IP6K1: variants seen among roughly 807,000 people sequenced by gnomAD.
IP6K1 encodes inositol hexakisphosphate kinase 1.
Under a neutral mutation model 38.3 loss-of-function variants are expected in IP6K1, and 13 were observed. The observed-to-expected ratio is 0.34, with a 90% confidence interval of 0.22 to 0.54. The LOEUF (loss-of-function observed/expected upper bound fraction) is 0.54. IP6K1 is among the 20% of genes least tolerant of loss of function. The probability of loss-of-function intolerance (pLI) is 0.92; values close to 1 mark genes in which losing one functional copy is unlikely to be tolerated. For missense variants in IP6K1, 397 were observed against 599.8 expected (o/e 0.66, Z 3.53); for synonymous variants, 212 against 229.9 (o/e 0.92, Z 0.70).
At chr3:49,772,300 T>C (rs951446846) in intron 1 of IP6K1, among the ~76,000 whole-genome samples, 2 of 147,796 alleles carry the variant, frequency 1.4e-5, no homozygotes, top group African/African-American at 2.5e-5. Context: ...TCTTCCTTTT[T>C]AACTTAATAT....
At chr3:49,767,922 C>T (rs2080925904) in intron 1 of IP6K1, among the ~76,000 whole-genome samples, 1 of 151,914 alleles carries the variant, frequency 6.6e-6, no homozygotes, top group Non-Finnish European at 1.5e-5. Context: ...TTAGACATTT[C>T]TCTGAAGATT....
At chr3:49,755,875 GTA>G (rs2080818391) in intron 1 of IP6K1, among the ~76,000 whole-genome samples, 1 of 152,168 alleles carries the variant, frequency 6.6e-6, no homozygotes, top group African/African-American at 2.4e-5. Context: ...TCTTCCCTTT[GTA>G]TATGAGACTG....
intron 1 of IP6K1, among the ~76,000 whole-genome samples, chr3:49,762,764 C>A (rs2080877869): frequency 7.1e-6 from 1 of 140,456 alleles, no homozygotes. Context: ...ACTTGTTTTA[C>A]GAGGTCAATT....
At position 49,727,676 on chromosome 3, in the gene IP6K1, C is replaced by G. The variant is rs115140901; in HGVS notation, c.793-21G>C. Reference sequence around the variant, plus strand: ...TACACCTGAAACCCCAGGAGGCAGACAGGGTGAGTGCCAGGGAAGTCTGAA... The same window carrying G: ...TACACCTGAAACCCCAGGAGGCAGAGAGGGTGAGTGCCAGGGAAGTCTGAA... On this transcript the variant is annotated intron_variant, in intron 5 of 5. Coordinates refer to ENST00000321599, the MANE Select transcript of IP6K1 (RefSeq NM_153273.4). This position sits in a 1 kb window ranked among gnomAD's most constrained non-coding sequence, Gnocchi z 5.9. 2,784 of 1,606,078 alleles carry G rather than the reference C, an allele frequency of 1.7e-3. 41 individuals carry two copies. In the African/African-American group the frequency reaches 0.033, roughly 19 times the overall value.
intron 1 of IP6K1, among the ~76,000 whole-genome samples, chr3:49,752,746 T>C (rs2080789328): frequency 6.7e-6 from 1 of 149,448 alleles, no homozygotes; most frequent in African/African-American, 2.5e-5. Context: ...CGTGAGCCAC[T>C]GCGCCTAGCC....
At chr3:49,772,141 G>A (rs896507344) in intron 1 of IP6K1, among the ~76,000 whole-genome samples, 9 of 151,050 alleles carry the variant, frequency 6.0e-5, no homozygotes, top group African/African-American at 2.2e-4. Flanking sequence ...GCCCAAGGTG[G>A]GTTCAAGGTG....
At chr3:49,783,214 A>C (rs1214899892) in intron 1 of IP6K1, among the ~76,000 whole-genome samples, 1 of 152,130 alleles carries the variant, frequency 6.6e-6, no homozygotes, top group Non-Finnish European at 1.5e-5. Context: ...TAGGAGTTCA[A>C]GCCCAGTCTG....
At chr3:49,778,158 T>C (rs2081035285) in intron 1 of IP6K1, among the ~76,000 whole-genome samples, 2 of 151,526 alleles carry the variant, frequency 1.3e-5, no homozygotes, top group Middle Eastern at 3.4e-3. Context: ...ACCCCGTCTG[T>C]ACTAAAAATA....
At chr3:49,780,551 G>T (rs895284230) in intron 1 of IP6K1, among the ~76,000 whole-genome samples, 1 of 152,048 alleles carries the variant, frequency 6.6e-6, no homozygotes, top group Non-Finnish European at 1.5e-5. Context: ...ATAGCGTCAG[G>T]GCTGCACTGG....
intron 1 of IP6K1, among the ~76,000 whole-genome samples, chr3:49,765,313 G>C (rs2080901711): frequency 6.6e-6 from 1 of 151,894 alleles, no homozygotes; most frequent in African/African-American, 2.4e-5. Context: ...AAAAAATATA[G>C]AACACTGGTA....
chr3:49,773,630 A>T (rs2080978735), intron 1 of IP6K1, among the ~76,000 whole-genome samples: 1 of 152,198 alleles, frequency 6.6e-6, no homozygotes, highest in South Asian at 2.1e-4. Context: ...AAAATTAATA[A>T]ATAAAAAAGA....
At chr3:49,778,094 G>C (rs560722028) in intron 1 of IP6K1, among the ~76,000 whole-genome samples, 2 of 151,868 alleles carry the variant, frequency 1.3e-5, no homozygotes, top group Admixed American at 1.3e-4. Context: ...GGGAGGCCAA[G>C]GCGAGTGGAT....
At chr3:49,767,848 A>T (rs1359252457) in intron 1 of IP6K1, among the ~76,000 whole-genome samples, 1 of 152,172 alleles carries the variant, frequency 6.6e-6, no homozygotes, top group Non-Finnish European at 1.5e-5. Context: ...TACATGGAAC[A>T]TATAAAGTAC....
At chr3:49,783,047 G>T (rs2081080385) in intron 1 of IP6K1, among the ~76,000 whole-genome samples, 1 of 151,660 alleles carries the variant, frequency 6.6e-6, no homozygotes. Context: ...TTGAACCCAG[G>T]AGGCGGAAGT....
chr3:49,783,543 T>A (rs1235755905), intron 1 of IP6K1, among the ~76,000 whole-genome samples: 2 of 151,376 alleles, frequency 1.3e-5, no homozygotes, highest in African/African-American at 4.9e-5. Flanking sequence ...AAACCCCGTC[T>A]CTCCTAAAAA....
chr3:49,783,964 C>T (rs1479726405), intron 1 of IP6K1, among the ~76,000 whole-genome samples: 2 of 152,020 alleles, frequency 1.3e-5, no homozygotes, highest in East Asian at 1.9e-4. Flanking sequence ...CCTAAAGGAT[C>T]TCCTGACCAA....
intron 1 of IP6K1, among the ~76,000 whole-genome samples, chr3:49,771,188 CAAAA>C (rs35601566): frequency 2.8e-5 from 2 of 72,508 alleles, no homozygotes; most frequent in African/African-American, 4.9e-5. Context: ...AACTCAGTAA[CAAAA>C]AAAAAAAAAA....
chr3:49,727,083 C>T lies in IP6K1; in HGVS notation c.*39G>A. ...AGTTCAGAACAATGGTCCCTGCCTG[C>T]AGTGGAGAGGAAGGGGTTCTGGGGG... On this transcript the variant is annotated 3_prime_UTR_variant, in exon 6 of 6. Transcript: ENST00000321599. This position sits in a 1 kb window ranked among gnomAD's most constrained non-coding sequence, Gnocchi z 5.9. 3 of 1,530,850 alleles carry T rather than the reference C, an allele frequency of 2.0e-6. No individual in the cohort carries two copies. Among genetic ancestry groups the T allele is most frequent in the South Asian group, 1.3e-5 (1 of 79,906 alleles). The allele number at this position is 1,530,850 out of a possible 1,614,324, so 94.8% of individuals were successfully genotyped here.
At chr3:49,743,237 A>AC (rs754619018) in intron 2 of IP6K1, among the ~76,000 whole-genome samples, 1,722 of 59,690 alleles carry the variant, frequency 0.029, 15 homozygotes, top group African/African-American at 0.042. Context: ...AAACAAAAAC[A>AC]AAATACACAC....
Sources: allele counts gnomAD v4.1 joint callset (sites outside exome capture counted in the v4.1 genomes callset), GRCh38; gene constraint gnomAD v4.1.1; non-coding constraint Gnocchi (gnomAD v3.1); transcripts MANE v1.5; gene names NCBI Gene and HGNC (gene_info 2026-07-23, HGNC 2026-07-21).